The following ABLIM1 variants were observed in gnomAD, a reference collection of about 807,000 sequenced individuals.
ABLIM1 encodes actin-binding LIM protein 1.
A neutral mutation model predicts 107.0 loss-of-function variants in ABLIM1; 40 were observed. That is an observed-to-expected ratio of 0.37 (90% confidence interval 0.29 to 0.49). ABLIM1 has a LOEUF of 0.49. Among genes scored for constraint, ABLIM1 ranks in the 20% least tolerant of loss-of-function variants. The probability of loss-of-function intolerance (pLI) is 0.97; values close to 1 mark genes in which losing one functional copy is unlikely to be tolerated. For missense variants in ABLIM1, 857 were observed against 1,008.5 expected (o/e 0.85, Z 2.04); for synonymous variants, 357 against 357.3 (o/e 1.00, Z 0.01).
Position 114,761,370 on chromosome 10 carries a change from G to C in ABLIM1, c.-213+6691C>G, listed in dbSNP as rs74158052. Reference sequence around the variant, plus strand: ...GCCATGCTTAGCAGACAGCTTTGCTGCTACTCGAGGAAGCAGATGGCAGCC... The same window carrying C: ...GCCATGCTTAGCAGACAGCTTTGCTCCTACTCGAGGAAGCAGATGGCAGCC... On this transcript the variant is annotated intron_variant, in intron 1 of 15. Transcript: ENST00000651092. Among the ~76,000 whole-genome samples, 496 of 151,978 alleles carry C rather than the reference G, an allele frequency of 3.3e-3. 2 individuals are homozygous for C. The highest frequency in any genetic ancestry group is 0.012 in the African/African-American group (477 of 41,444).
At position 114,485,182 on chromosome 10, in the gene ABLIM1, T is replaced by A. The variant is rs2134613499; in HGVS notation, c.1041+2776A>T. On this transcript the variant is annotated intron_variant, in intron 8 of 22. Transcript: ENST00000533213. ...AGGCGCTTGTGGTGTGAGAAAAGCA[T>A]CTGCTTTCTGCAGGAGCCGAAGAAG... is the stretch of plus-strand genomic sequence containing the variant. The A allele has an allele frequency of 7.2e-6, 5 of 696,894 alleles. 2 individuals are homozygous for A. Among genetic ancestry groups the A allele is most frequent in the South Asian group, 5.5e-5 (2 of 36,624 alleles). The allele number at this position is 696,894 out of a possible 1,614,324, so 43.2% of individuals were successfully genotyped here. A position where few individuals can be genotyped will look rare whatever the true frequency, so the allele number is the denominator to read the frequency against.
intron 1 of ABLIM1, among the ~76,000 whole-genome samples, chr10:114,626,996 A>AC (rs2077853716): frequency 6.6e-6 from 1 of 152,148 alleles, no homozygotes. Context: ...CTCAGAAGGA[A>AC]CCATCTCAGC....
intron 6 of ABLIM1, among the ~76,000 whole-genome samples, chr10:114,503,712 T>A (rs73353766): frequency 0.021 from 3,162 of 152,288 alleles, 115 homozygotes; most frequent in African/African-American, 0.072. Flanking sequence ...GTAAGAAGAA[T>A]CATATTAACA....
intron 1 of ABLIM1, among the ~76,000 whole-genome samples, chr10:114,653,662 G>T (rs541804631): frequency 2.4e-3 from 372 of 152,290 alleles, no homozygotes; most frequent in African/African-American, 8.5e-3. Context: ...AGCTGCAGAG[G>T]CTGTTTCGTA....
chr10:114,583,468 C>CATATAT (rs140129654), intron 2 of ABLIM1, among the ~76,000 whole-genome samples: 44 of 15,054 alleles, frequency 2.9e-3, no homozygotes, highest in Admixed American at 0.011. Flanking sequence ...CACACACACA[C>CATATAT]ATATATATAT....
chr10:114,653,896 C>T (rs1325770064), intron 1 of ABLIM1, among the ~76,000 whole-genome samples: 1 of 152,198 alleles, frequency 6.6e-6, no homozygotes, highest in Non-Finnish European at 1.5e-5. Context: ...CTTGCAACAT[C>T]CAAGGGTTGT....
chr10:114,602,825 A>G (rs1050294794), intron 1 of ABLIM1, among the ~76,000 whole-genome samples: 4 of 152,212 alleles, frequency 2.6e-5, no homozygotes, highest in African/African-American at 7.2e-5. Flanking sequence ...TTCAGAGACT[A>G]GAAGTTATTG....
At chr10:114,587,228 G>C (rs939580317) in intron 2 of ABLIM1, among the ~76,000 whole-genome samples, 1 of 152,186 alleles carries the variant, frequency 6.6e-6, no homozygotes, top group Non-Finnish European at 1.5e-5. Context: ...GAACACTTTT[G>C]ATATTCATGG....
intron 4 of ABLIM1, among the ~76,000 whole-genome samples, chr10:114,550,243 C>T (rs929368848): frequency 6.6e-6 from 1 of 151,928 alleles, no homozygotes; most frequent in Admixed American, 6.6e-5. Flanking sequence ...ATTCCAACAT[C>T]TGACCAAAAT....
chr10:114,627,146 G>C (rs1183622073), intron 1 of ABLIM1, among the ~76,000 whole-genome samples: 1 of 152,168 alleles, frequency 6.6e-6, no homozygotes, highest in Non-Finnish European at 1.5e-5. Flanking sequence ...AAAACTTTAA[G>C]ATCATTTGTT....
the ABLIM1 span, among the ~76,000 whole-genome samples, chr10:114,787,664 G>T: frequency 7.5e-6 from 1 of 133,966 alleles, no homozygotes; most frequent in Non-Finnish European, 1.7e-5. Context: ...GGGAAGTGAG[G>T]AGCCCCTCTG....
At chr10:114,642,422 T>C (rs2078794117) in intron 1 of ABLIM1, among the ~76,000 whole-genome samples, 1 of 152,096 alleles carries the variant, frequency 6.6e-6, no homozygotes, top group East Asian at 1.9e-4. Context: ...ATAATTTCAA[T>C]AGTAAGAATG....
At chr10:114,739,580 C>G (rs1006908741) in intron 1 of ABLIM1, among the ~76,000 whole-genome samples, 2 of 151,858 alleles carry the variant, frequency 1.3e-5, no homozygotes, top group Non-Finnish European at 2.9e-5. Context: ...TTTTTTTTAA[C>G]TTAATATCAT....
chr10:114,625,095 G>A (rs1386407338), intron 1 of ABLIM1, among the ~76,000 whole-genome samples: 1 of 152,112 alleles, frequency 6.6e-6, no homozygotes, highest in Non-Finnish European at 1.5e-5. Flanking sequence ...CCTTACTTAG[G>A]AAATGACCTT....
In ABLIM1 at chr10:114,470,960, A is replaced by G. The variant is rs7067793; in HGVS notation, c.1275+2017T>C. ...AGTACAATGGCATGATCATGGCTCAATGCAGCCTCAACCTCCTGGGCTCAA... is the reference window on the plus strand; with the variant it reads ...AGTACAATGGCATGATCATGGCTCAGTGCAGCCTCAACCTCCTGGGCTCAA... On this transcript the variant is annotated intron_variant, in intron 10 of 22. Coordinates refer to ENST00000533213, the MANE Select transcript of ABLIM1 (RefSeq NM_002313.7). Among the ~76,000 whole-genome samples, 77 of 152,082 alleles carry G rather than the reference A, an allele frequency of 5.1e-4. 1 individual carries two copies. Among genetic ancestry groups the G allele is most frequent in the Non-Finnish European group, 9.6e-4 (65 of 67,968 alleles).
chr10:114,692,882 T>A (rs1379982076), intron 1 of ABLIM1, among the ~76,000 whole-genome samples: 1 of 152,080 alleles, frequency 6.6e-6, no homozygotes, highest in African/African-American at 2.4e-5. Context: ...AGAGCAAGAC[T>A]CCATCTCACA....
intron 12 of ABLIM1, chr10:114,462,919 C>A: frequency 9.5e-7 from 1 of 1,058,172 alleles, no homozygotes; most frequent in Admixed American, 2.4e-5. Context: ...AGTCATGACA[C>A]ACGCAGGCAT....
upstream of ABLIM1, among the ~76,000 whole-genome samples, chr10:114,773,010 A>T (rs927005956): frequency 2.0e-5 from 3 of 152,106 alleles, no homozygotes; most frequent in Non-Finnish European, 4.4e-5. Flanking sequence ...AGTAGATATT[A>T]AAAAGCCACT....
intron 4 of ABLIM1, among the ~76,000 whole-genome samples, chr10:114,560,269 T>TAA (rs1166361690): frequency 1.3e-5 from 2 of 150,990 alleles, no homozygotes; most frequent in African/African-American, 4.9e-5. Flanking sequence ...GATGAATGGA[T>TAA]AAACAAAATG....
Sources: gnomAD v4.1 joint callset for allele counts (sites outside exome capture counted in the v4.1 genomes callset) on GRCh38, gnomAD v4.1.1 for gene constraint, MANE v1.5 for transcripts, NCBI Gene and HGNC (gene_info 2026-07-23, HGNC 2026-07-21) for gene names.